The following BECN1 variants were observed in gnomAD, a reference collection of about 807,000 sequenced individuals.
BECN1 encodes the protein beclin-1.
In BECN1, 15 loss-of-function variants were observed where a neutral mutation model predicts 60.1. That is an observed-to-expected ratio of 0.25 (90% CI 0.17 to 0.38). The LOEUF (loss-of-function observed/expected upper bound fraction) is 0.38, where lower values mean the gene tolerates loss of function less well. BECN1 is among the 10% of genes least tolerant of loss of function. BECN1 has a pLI of 1.00. For missense variants in BECN1, 424 were observed against 548.2 expected, an observed-to-expected ratio of 0.77 and a Z score of 2.26; for synonymous variants, 179 against 201.8, an observed-to-expected ratio of 0.89 and a Z score of 0.96.
rs909330651 is a variant in BECN1 at position 42,815,977 on chromosome 17, A to G, written c.761T>C (p.Met254Thr). The G allele has an allele frequency of 6.2e-7, 1 of 1,613,992 alleles. No individual in the cohort carries two copies. Residue 254 changes from methionine (M) to threonine (T), a missense_variant, in exon 8 of 12, where the codon ATG becomes ACG. Physicochemically the swap from Met to Thr is moderately conservative, Grantham distance 81. Around this residue, in one of 3 missense-constraint regions of BECN1, gnomAD observed 326 missense variants for 406.2 expected, o/e 0.80. Transcript: ENST00000590099. ...ATCCAGCTGCGTCTGGGCATAACGCATCTGGTTTTCAACACTCTTCAGCTC... is the reference window on the plus strand; with the variant it reads ...ATCCAGCTGCGTCTGGGCATAACGCGTCTGGTTTTCAACACTCTTCAGCTC... ...DDELKSVENQ[M>T]RYAQTQLDKL...
chr17:42,810,701 G>A lies in BECN1; in HGVS notation c.*59C>T. On this transcript the variant is annotated 3_prime_UTR_variant, in exon 12 of 12. Transcript: ENST00000590099. ...ATTACCCGAATTTAATTTAAAACAT[G>A]TTTGCAAACAAAACAAAATTAAAAG... The A allele has an allele frequency of 6.7e-7, 1 of 1,496,302 alleles. No homozygotes were observed. Among genetic ancestry groups the A allele is most frequent in the Non-Finnish European group, 9.0e-7 (1 of 1,110,584 alleles). 92.7% of individuals were successfully genotyped at this position (1,496,302 alleles called of 1,614,324 possible). A position where few individuals can be genotyped will look rare whatever the true frequency, so the allele number is the denominator to read the frequency against.
At position 42,818,400 on chromosome 17, in the gene BECN1, G is replaced by A; in HGVS notation, c.504C>T (p.Ile168=). ...TGTCATCCTCATTCATTTGCTCTAA[G>A]ATCTCCAAACAGCGTCTGCCAAAGA... ...ECQNYKRCLE[I]LEQMNEDDSE... Residue 168 remains isoleucine (I), a synonymous_variant, in exon 7 of 12, where the codon ATC becomes ATT. Coordinates refer to ENST00000590099, the MANE Select transcript of BECN1 (RefSeq NM_001313998.2). 1 of 1,614,180 alleles carries A rather than the reference G, an allele frequency of 6.2e-7. No individual in the cohort carries two copies. The highest frequency in any genetic ancestry group is 8.5e-7 in the Non-Finnish European group (1 of 1,180,038).
Position 42,818,887 on chromosome 17 carries a change from G to A in BECN1, c.261-10C>T. The A allele has an allele frequency of 6.2e-7, 1 of 1,613,846 alleles. No individual in the cohort carries two copies. The highest frequency in any genetic ancestry group is 1.1e-5 in the South Asian group (1 of 91,066). ...TTCTGTGGACATCATCCTGCAGACA[G>A]CCCCCCGCCCACGGGCCACATGAGG... On this transcript the variant is annotated splice_polypyrimidine_tract_variant and intron_variant, in intron 4 of 11. Coordinates refer to ENST00000590099, the MANE Select transcript of BECN1 (RefSeq NM_001313998.2).
chr17:42,823,331 T>C (rs1001133326), intron 2 of BECN1, among the ~76,000 whole-genome samples: 6 of 152,202 alleles, frequency 3.9e-5, no homozygotes, highest in Non-Finnish European at 8.8e-5. Flanking sequence ...CTCAGCTCAC[T>C]GCAAACTCCA....
intron 9 of BECN1, 43 bp downstream of exon 9, chr17:42,814,481 T>C: frequency 6.2e-7 from 1 of 1,611,792 alleles, no homozygotes. Context: ...ATACAAATTA[T>C]ATCAATGCAC....
chr17:42,818,968 C>T, intron 4 of BECN1, 91 bp from the exon 5 acceptor site: 3 of 1,422,758 alleles, frequency 2.1e-6, no homozygotes, highest in Non-Finnish European at 2.9e-6. Context: ...CTCTCAAGCA[C>T]CAGCTGAGGG....
In BECN1 at chr17:42,820,803, T is replaced by A; in HGVS notation, c.169A>T (p.Thr57Ser). The A allele has an allele frequency of 6.3e-7, 1 of 1,597,760 alleles. No individual in the cohort carries two copies. The highest frequency in any genetic ancestry group is 8.5e-7 in the Non-Finnish European group (1 of 1,171,206). The change falls in exon 3 of 12, where the codon ACC (threonine) becomes TCC (serine). Residue 57 changes from threonine (T) to serine (S), a missense_variant. Coordinates refer to ENST00000590099, the MANE Select transcript of BECN1 (RefSeq NM_001313998.2). ...CCTGAGTTAGTCTCTTCCTCCTGGG[T>A]CTCTCCTGGTTTCGCCTGGGCTGTG... Reference protein sequence around the residue: ...LTTAQAKPGETQEEETNSGEE... With the variant: ...LTTAQAKPGESQEEETNSGEE...
At chr17:42,814,905 C>T (rs1178314153) in intron 8 of BECN1, 9 of 544,490 alleles carry the variant, frequency 1.7e-5, no homozygotes, top group East Asian at 9.7e-5. Flanking sequence ...CAGCTCCTTC[C>T]GTGCAAAACT....
chr17:42,818,684 G>C lies in BECN1; in HGVS notation c.352-4C>G. 1 of 1,614,194 alleles carries C rather than the reference G, an allele frequency of 6.2e-7. No homozygotes were observed. Among genetic ancestry groups the C allele is most frequent in the East Asian group, 2.2e-5 (1 of 44,882 alleles). ...TGTCAAAAAGGTCCCCAGTGACCTG[G>C]AAGTGTGGGAGAGTCAGGGTAGGGC... On this transcript the variant is annotated splice_region_variant and splice_polypyrimidine_tract_variant and intron_variant, in intron 5 of 11. Transcript: ENST00000590099.
chr17:42,823,674 C>T, intron 2 of BECN1, 74 bp downstream of exon 2: 2 of 1,557,982 alleles, frequency 1.3e-6, no homozygotes, highest in Non-Finnish European at 1.7e-6. Context: ...TACACAGCCA[C>T]CATAAGAATT....
intron 8 of BECN1, 145 bp downstream of exon 8, chr17:42,815,763 T>C (rs1352897407): frequency 3.8e-6 from 4 of 1,050,064 alleles, no homozygotes; most frequent in Non-Finnish European, 5.8e-6. Context: ...CTACTGTGCC[T>C]ATCCCATCAC....
intron 9 of BECN1, 136 bp from the exon 10 acceptor site, chr17:42,814,144 C>A: frequency 1.8e-6 from 1 of 565,134 alleles, no homozygotes; most frequent in South Asian, 2.9e-5. Flanking sequence ...CTCCCACCTC[C>A]CCATTGAATC....
chr17:42,821,624 G>A (rs976546323), intron 2 of BECN1, among the ~76,000 whole-genome samples: 11 of 152,178 alleles, frequency 7.2e-5, no homozygotes, highest in African/African-American at 2.7e-4. Flanking sequence ...TTTCTAGGAA[G>A]ATGAAACATT....
Position 42,810,152 on chromosome 17 carries a change from A to T in BECN1, c.*608T>A, listed in dbSNP as rs1283424978. On this transcript the variant is annotated 3_prime_UTR_variant, in exon 12 of 12. Transcript: ENST00000590099. Reference sequence around the variant, plus strand: ...CCCTGGGCAGTTTTCAGACTGCAGCAAATCTTTTATTACAAATAATTAAAT... The same window carrying T: ...CCCTGGGCAGTTTTCAGACTGCAGCTAATCTTTTATTACAAATAATTAAAT... 1.3e-5 allele frequency: 2 copies of T among 152,528 alleles called. No homozygotes were observed. The highest frequency in any genetic ancestry group is 2.9e-5 in the Non-Finnish European group (2 of 68,148). 9.4% of individuals were successfully genotyped at this position (152,528 alleles called of 1,614,324 possible). A position where few individuals can be genotyped will look rare whatever the true frequency, so the allele number is the denominator to read the frequency against.
At position 42,814,553 on chromosome 17, in the gene BECN1, C is replaced by G. The variant is rs1224110329; in HGVS notation, c.951G>C (p.Leu317=). The change falls in exon 9 of 12, where the codon CTG becomes CTC. Residue 317 remains leucine (L), a synonymous_variant. Transcript: ENST00000590099. ...WGQTVLLLHA[L]ANKMGLKFQR... Reference sequence around the variant, plus strand: ...GAAATTTCAGACCCATCTTATTGGCCAGAGCATGGAGCAGCAACACAGTCT... The same window carrying G: ...GAAATTTCAGACCCATCTTATTGGCGAGAGCATGGAGCAGCAACACAGTCT... The G allele has an allele frequency of 6.2e-7, 1 of 1,614,044 alleles. No homozygotes were observed. The highest frequency in any genetic ancestry group is 8.5e-7 in the Non-Finnish European group (1 of 1,180,034).
At chr17:42,819,943 G>A (rs1242261379) in intron 3 of BECN1, among the ~76,000 whole-genome samples, 1 of 152,042 alleles carries the variant, frequency 6.6e-6, no homozygotes, top group East Asian at 1.9e-4. Flanking sequence ...ATAGTACAAG[G>A]AAAAAGCCAG....
At chr17:42,823,609 C>A in intron 2 of BECN1, 139 bp downstream of exon 2, 1 of 1,245,132 alleles carries the variant, frequency 8.0e-7, no homozygotes, top group Non-Finnish European at 1.1e-6. Flanking sequence ...AAGGAGAAAA[C>A]AGGGAGCCAG....
Position 42,822,243 on chromosome 17 carries a change from A to G in BECN1, c.131-1402T>C, listed in dbSNP as rs114095870. On this transcript the variant is annotated intron_variant, in intron 2 of 11. Coordinates refer to ENST00000590099, the MANE Select transcript of BECN1 (RefSeq NM_001313998.2). Reference sequence around the variant, plus strand: ...AAAAGAGCTAATTTCCCCTCAAGAAAGAGAAACCAGGTAATAATAGCAGCT... The same window carrying G: ...AAAAGAGCTAATTTCCCCTCAAGAAGGAGAAACCAGGTAATAATAGCAGCT... 9.1e-3 allele frequency among the ~76,000 whole-genome samples: 1,386 copies of G among 152,330 alleles called. 19 individuals are homozygous for G. The highest frequency in any genetic ancestry group is 0.031 in the African/African-American group (1,279 of 41,572).
chr17:42,818,761 T>C (rs757600774), intron 5 of BECN1, 26 bp downstream of exon 5: 1 of 1,614,002 alleles, frequency 6.2e-7, no homozygotes, highest in Admixed American at 1.7e-5. Flanking sequence ...GGCCTACTGC[T>C]TGCCACCGGA....
Sources: allele counts gnomAD v4.1 joint callset (sites outside exome capture counted in the v4.1 genomes callset), GRCh38; gene constraint gnomAD v4.1.1; regional missense constraint gnomAD v4.1.1; transcripts MANE v1.5; gene names NCBI Gene and HGNC (gene_info 2026-07-23, HGNC 2026-07-21).